TENM3: variants seen among roughly 807,000 people sequenced by gnomAD.
TENM3 encodes teneurin transmembrane protein 3.
In TENM3, 63 loss-of-function variants were observed where a neutral mutation model predicts 255.1. That is an observed-to-expected ratio of 0.25 (90% CI 0.20 to 0.30). The LOEUF is 0.30. Ranked by LOEUF, TENM3 falls within the 10% of genes least tolerant of loss-of-function variation. The pLI, the probability that TENM3 is intolerant of heterozygous loss-of-function variation, is 1.00. For missense variants in TENM3, 2,929 were observed against 3,461.1 expected (o/e 0.85, Z 3.86); for synonymous variants, 1,306 against 1,322.3 (o/e 0.99, Z 0.27).
the TENM3 span, among the ~76,000 whole-genome samples, chr4:181,983,647 A>G: frequency 6.6e-6 from 1 of 152,138 alleles, no homozygotes; most frequent in African/African-American, 2.4e-5. Flanking sequence ...ACAAGCAGAA[A>G]TGATTTTTAA....
intron 3 of TENM3, among the ~76,000 whole-genome samples, chr4:182,572,531 C>T (rs1580981586): frequency 2.0e-5 from 3 of 152,142 alleles, no homozygotes; most frequent in African/African-American, 7.2e-5. Context: ...TTGAAGAATT[C>T]CACAGCGGAG....
the TENM3 span, chr4:181,980,152 A>G: frequency 6.6e-5 from 10 of 152,262 alleles, no homozygotes; most frequent in Non-Finnish European, 1.0e-4. Flanking sequence ...CTTTTCAAAC[A>G]GTGGAGGAGG....
At position 182,264,546 on chromosome 4, in the gene TENM3, C is replaced by CA. The variant is rs763125858; in HGVS notation, c.-76+21071dup. ...TCTAGACTCCTTCTGGGAAAAAAGACAGAGACTGTCCTGTGCTGTAGCTCA... is the reference window on the plus strand; with the variant it reads ...TCTAGACTCCTTCTGGGAAAAAAGACAAGAGACTGTCCTGTGCTGTAGCTCA... On this transcript the variant is annotated intron_variant, in intron 1 of 27. Transcript: ENST00000511685. Among the ~76,000 whole-genome samples, 63 of 152,334 alleles carry CA rather than the reference C, an allele frequency of 4.1e-4. 1 individual carries two copies. The highest frequency in any genetic ancestry group is 7.2e-4 in the Non-Finnish European group (49 of 68,030).
At chr4:182,367,994 A>G (rs1017815931) in intron 3 of TENM3, among the ~76,000 whole-genome samples, 3 of 152,218 alleles carry the variant, frequency 2.0e-5, no homozygotes, top group Non-Finnish European at 2.9e-5. Flanking sequence ...GTTAACTTTC[A>G]TATACCTGTA....
chr4:182,485,165 C>T (rs1561496430), intron 3 of TENM3, among the ~76,000 whole-genome samples: 4 of 152,200 alleles, frequency 2.6e-5, no homozygotes, highest in South Asian at 4.1e-4. Flanking sequence ...GTGCAAATGG[C>T]TTTCACAGCC....
the TENM3 span, among the ~76,000 whole-genome samples, chr4:181,892,999 A>G: frequency 6.6e-6 from 1 of 152,306 alleles, no homozygotes; most frequent in East Asian, 1.9e-4. Flanking sequence ...TGTTTCCCCA[A>G]TTCAGTTATT....
intron 3 of TENM3, among the ~76,000 whole-genome samples, chr4:182,378,818 G>A (rs914952721): frequency 2.0e-5 from 3 of 152,108 alleles, no homozygotes; most frequent in African/African-American, 7.2e-5. Flanking sequence ...TTTTGAACAG[G>A]GAGAGACATG....
At chr4:182,768,115 C>T (rs1182189638) in intron 22 of TENM3, among the ~76,000 whole-genome samples, 1 of 152,188 alleles carries the variant, frequency 6.6e-6, no homozygotes, top group African/African-American at 2.4e-5. Flanking sequence ...GAGCACGTCA[C>T]TCCGCAAAAG....
intron 3 of TENM3, among the ~76,000 whole-genome samples, chr4:182,493,013 C>A (rs1735447265): frequency 6.6e-6 from 1 of 151,840 alleles, no homozygotes; most frequent in South Asian, 2.1e-4. Context: ...TAATTTTATG[C>A]CATGAGACGT....
the TENM3 span, among the ~76,000 whole-genome samples, chr4:181,678,024 A>C: frequency 6.6e-6 from 1 of 152,106 alleles, no homozygotes; most frequent in Admixed American, 6.6e-5. Context: ...TCAGTCAGAT[A>C]TTTACATTTA....
At chr4:181,466,498 A>C in the TENM3 span, among the ~76,000 whole-genome samples, 1 of 152,184 alleles carries the variant, frequency 6.6e-6, no homozygotes, top group Non-Finnish European at 1.5e-5. Context: ...CCTACACTTT[A>C]CGGTAATTGG....
In TENM3 at chr4:182,224,934, A is replaced by G. The variant is rs113951722; in HGVS notation, c.-76+80180A>G. ...GTATTTTTAGTGACGGGGTTTCACC[A>G]TGTTGGTCAGGCTGGTCTCGAACTC... On this transcript the variant is annotated intron_variant, in intron 1 of 2. Transcript: ENST00000512480. 3.8e-3 allele frequency among the ~76,000 whole-genome samples: 577 copies of G among 152,050 alleles called. 5 individuals are homozygous for G. Among genetic ancestry groups the G allele is most frequent in the South Asian group, 0.018 (87 of 4,802 alleles).
At chr4:181,663,417 T>C in the TENM3 span, among the ~76,000 whole-genome samples, 1,567 of 152,286 alleles carry the variant, frequency 0.01, 19 homozygotes, top group Middle Eastern at 0.024. Context: ...ATGTTACGGT[T>C]TTTAAAATTC....
chr4:182,147,111 A>G lies in TENM3; in HGVS notation c.-76+2357A>G, dbSNP rs150312565. Among the ~76,000 whole-genome samples the G allele has an allele frequency of 2.3e-3, 344 of 152,308 alleles. 10 individuals carry two copies. The East Asian group carries it at 0.063, about 28-fold the overall frequency. On this transcript the variant is annotated intron_variant, in intron 1 of 2. Transcript: ENST00000512480. ...GCTAAACAATAATGATCCAGTTAGT[A>G]AGTTCAAGCTACTCTTTCTTAGCTT...
chr4:181,819,202 T>C, the TENM3 span, among the ~76,000 whole-genome samples: 1 of 152,108 alleles, frequency 6.6e-6, no homozygotes, highest in Non-Finnish European at 1.5e-5. Context: ...ACACTCTGAA[T>C]CTGCCCAAGC....
the TENM3 span, among the ~76,000 whole-genome samples, chr4:181,518,617 CAG>C: frequency 1.3e-5 from 2 of 152,060 alleles, no homozygotes. Context: ...TTAGTAGAGA[CAG>C]AGTTTCACCA....
At chr4:181,911,769 T>C in the TENM3 span, among the ~76,000 whole-genome samples, 1 of 152,236 alleles carries the variant, frequency 6.6e-6, no homozygotes, top group Non-Finnish European at 1.5e-5. Flanking sequence ...TAGACACAGA[T>C]GTTCTTATAT....
chr4:181,789,973 G>A, the TENM3 span, among the ~76,000 whole-genome samples: 19 of 152,238 alleles, frequency 1.2e-4, no homozygotes, highest in Admixed American at 3.3e-4. Flanking sequence ...CTGTGAGCCA[G>A]CCCAGCAAAT....
chr4:181,919,651 T>A, the TENM3 span, among the ~76,000 whole-genome samples: 1 of 152,126 alleles, frequency 6.6e-6, no homozygotes. Context: ...GTCCTGTTCA[T>A]CAGATGAAGT....
Sources: gnomAD v4.1 joint callset for allele counts (sites outside exome capture counted in the v4.1 genomes callset) on GRCh38, gnomAD v4.1.1 for gene constraint, MANE v1.5 for transcripts, NCBI Gene and HGNC (gene_info 2026-07-23, HGNC 2026-07-21) for gene names.